CGGBP1: variants seen among roughly 807,000 people sequenced by gnomAD.
CGGBP1 encodes the protein CGG triplet repeat binding protein 1.
CGGBP1 carries 4 observed loss-of-function variants against 11.4 expected under a neutral mutation model. The ratio of observed to expected loss-of-function variants is 0.35; its 90% CI spans 0.17 to 0.80. The LOEUF is 0.80. CGGBP1 is among the 30% of genes least tolerant of loss of function. The pLI is 0.52. For synonymous variants in CGGBP1, 76 were observed against 74.1 expected, an observed-to-expected ratio of 1.03 and a Z score of -0.13; for missense variants, 135 against 202.1, an observed-to-expected ratio of 0.67 and a Z score of 2.01.
intron 2 of CGGBP1, among the ~76,000 whole-genome samples, chr3:88,117,078 G>A (rs1215425034): frequency 6.6e-6 from 1 of 152,074 alleles, no homozygotes; most frequent in African/African-American, 2.4e-5. Context: ...GCAAAGAAGG[G>A]ACAACCCGAA....
At chr3:88,056,167 G>A (rs956498710) in intron 3 of CGGBP1, 168 bp from the exon 4 acceptor site, 15 of 523,382 alleles carry the variant, frequency 2.9e-5, no homozygotes, top group African/African-American at 3.9e-5. Flanking sequence ...TATAAGGGAA[G>A]GCAAAACTAG....
intron 2 of CGGBP1, among the ~76,000 whole-genome samples, chr3:88,121,054 A>C (rs1209738848): frequency 6.6e-6 from 1 of 152,120 alleles, no homozygotes; most frequent in Non-Finnish European, 1.5e-5. Context: ...ATACCTATGT[A>C]ACAAACCTGT....
intron 2 of CGGBP1, among the ~76,000 whole-genome samples, chr3:88,068,040 T>A (rs1344242111): frequency 6.6e-6 from 1 of 151,932 alleles, no homozygotes; most frequent in South Asian, 2.1e-4. Context: ...AAAGCACAAG[T>A]GGAGGGGTGT....
chr3:88,113,275 G>C (rs1705201588), intron 2 of CGGBP1: 1 of 826,718 alleles, frequency 1.2e-6, no homozygotes, highest in Non-Finnish European at 1.8e-6. Flanking sequence ...TAGCTTATTG[G>C]TTATTATTGC....
At chr3:88,059,214 G>A, upstream of CGGBP1, 1 of 1,480,734 alleles carries the variant, frequency 6.8e-7, no homozygotes, top group South Asian at 1.3e-5. Context: ...TCCGGCTAGG[G>A]AGGAGGGAAG....
At chr3:88,149,657 G>C (rs1029298054) in intron 1 of CGGBP1, 1 of 155,948 alleles carries the variant, frequency 6.4e-6, no homozygotes, top group African/African-American at 2.4e-5. Context: ...GGCCGGCCCC[G>C]CGGCATCACG....
intron 2 of CGGBP1, among the ~76,000 whole-genome samples, chr3:88,064,518 T>A (rs1370906138): frequency 1.3e-5 from 2 of 152,212 alleles, no homozygotes; most frequent in African/African-American, 4.8e-5. Flanking sequence ...TTTCTGACTC[T>A]GTTTTCACAT....
chr3:88,134,932 G>GGTGAAC, intron 2 of CGGBP1: 1 of 525,678 alleles, frequency 1.9e-6, no homozygotes, highest in Non-Finnish European at 3.0e-6. Context: ...GTAGTTTGGG[G>GGTGAAC]GTGAACGTAA....
intron 2 of CGGBP1, among the ~76,000 whole-genome samples, chr3:88,101,608 G>T (rs1704431746): frequency 6.6e-6 from 1 of 152,090 alleles, no homozygotes; most frequent in East Asian, 1.9e-4. Context: ...TGGCTATTCA[G>T]ATTACTTCCA....
rs76094243 is a variant in CGGBP1, at chr3:88,138,387, A to G, written c.-229+2583T>C. On this transcript the variant is annotated intron_variant, in intron 2 of 3. Transcript: ENST00000462901. ...TACCTACAATAATAAATGGGGGTCT[A>G]GAAGAAATCTTAATCACCATAAGTT... Among the ~76,000 whole-genome samples, 601 of 152,296 alleles carry G rather than the reference A, an allele frequency of 3.9e-3. 3 individuals are homozygous for G. Among genetic ancestry groups the G allele is most frequent in the Non-Finnish European group, 6.4e-3 (438 of 68,022 alleles).
intron 2 of CGGBP1, among the ~76,000 whole-genome samples, chr3:88,068,074 T>A (rs1184248821): frequency 1.3e-5 from 2 of 152,054 alleles, no homozygotes; most frequent in Non-Finnish European, 2.9e-5. Flanking sequence ...AGTTTTGTGG[T>A]AGGAGTAAAG....
At chr3:88,100,070 A>G (rs1704316829) in intron 2 of CGGBP1, among the ~76,000 whole-genome samples, 1 of 152,180 alleles carries the variant, frequency 6.6e-6, no homozygotes, top group Non-Finnish European at 1.5e-5. Context: ...TTTACAATCT[A>G]CCCATCTGAC....
intron 2 of CGGBP1, chr3:88,138,715 A>G (rs1219186967): frequency 1.1e-5 from 13 of 1,231,864 alleles, no homozygotes; most frequent in East Asian, 6.3e-5. Context: ...GTTGAAGAAG[A>G]AGGCTTGCAA....
chr3:88,147,027 C>G (rs1707325262), intron 1 of CGGBP1, among the ~76,000 whole-genome samples: 1 of 152,178 alleles, frequency 6.6e-6, no homozygotes, highest in Admixed American at 6.5e-5. Context: ...TAATCCTGTT[C>G]TGAGACAAGT....
At chr3:88,078,158 T>G (rs1707912852) in intron 2 of CGGBP1, among the ~76,000 whole-genome samples, 1 of 152,240 alleles carries the variant, frequency 6.6e-6, no homozygotes. Flanking sequence ...TTGATATATA[T>G]TCTTTCCTCT....
intron 2 of CGGBP1, among the ~76,000 whole-genome samples, chr3:88,133,589 T>G (rs1300058353): frequency 1.3e-5 from 2 of 152,030 alleles, no homozygotes; most frequent in East Asian, 3.8e-4. Flanking sequence ...TTTCCAAATA[T>G]AGCAGTCAGC....
chr3:88,139,454 T>A, intron 2 of CGGBP1: 2 of 1,613,840 alleles, frequency 1.2e-6, no homozygotes, highest in Non-Finnish European at 1.7e-6. Context: ...AGAATCATGT[T>A]AAGAAGATAC....
intron 2 of CGGBP1, among the ~76,000 whole-genome samples, chr3:88,081,005 T>C (rs1054158984): frequency 6.6e-6 from 1 of 152,210 alleles, no homozygotes; most frequent in South Asian, 2.1e-4. Context: ...TAGTTGTTTC[T>C]CCTTAGTCTC....
intron 2 of CGGBP1, among the ~76,000 whole-genome samples, chr3:88,118,954 A>G (rs1281806671): frequency 1.3e-5 from 2 of 149,108 alleles, no homozygotes; most frequent in Non-Finnish European, 3.0e-5. Context: ...AAACTAGTTC[A>G]ACCATTGTGG....
Sources: gnomAD v4.1 joint callset for allele counts (sites outside exome capture counted in the v4.1 genomes callset) on GRCh38, gnomAD v4.1.1 for gene constraint, MANE v1.5 for transcripts, NCBI Gene and HGNC (gene_info 2026-07-23, HGNC 2026-07-21) for gene names.